The following GRAP2 variants were observed in gnomAD, a reference collection of about 807,000 sequenced individuals.
The protein encoded by GRAP2 is GRB2-related adapter protein 2.
GRAP2 carries 31 observed loss-of-function variants against 43.5 expected under a neutral mutation model. The observed-to-expected ratio is 0.71, with a 90% CI of 0.54 to 0.96. GRAP2 has a LOEUF of 0.96. Ranked by LOEUF, GRAP2 falls within the 40% of genes least tolerant of loss-of-function variation. GRAP2 has a pLI of 0.00. For missense variants in GRAP2, 371 were observed against 424.4 expected, an observed-to-expected ratio of 0.87 and a Z score of 1.11; for synonymous variants, 156 against 164.8, an observed-to-expected ratio of 0.95 and a Z score of 0.41.
chr22:39,940,254 C>T (rs1405495257), intron 1 of GRAP2, among the ~76,000 whole-genome samples: 2 of 152,094 alleles, frequency 1.3e-5, no homozygotes, highest in Non-Finnish European at 2.9e-5. Flanking sequence ...AGCTGATTAA[C>T]AGGTATTCTC....
At chr22:39,962,245 A>C (rs2067127205) in intron 4 of GRAP2, among the ~76,000 whole-genome samples, 1 of 152,132 alleles carries the variant, frequency 6.6e-6, no homozygotes, top group African/African-American at 2.4e-5. Context: ...GCAACTAGTG[A>C]GACCTCATCT....
chr22:39,939,740 C>T (rs906689808), intron 1 of GRAP2, among the ~76,000 whole-genome samples: 2 of 152,054 alleles, frequency 1.3e-5, no homozygotes, highest in African/African-American at 4.8e-5. Context: ...GAAACCCCAT[C>T]TCTACTAAAA....
rs145144717 is a variant in GRAP2, at chr22:39,972,415, G to A, written c.*1331G>A. 6.6e-6 allele frequency: 1 copy of A among 152,450 alleles called. No individual in the cohort carries two copies. The highest frequency in any genetic ancestry group is 1.9e-4 in the East Asian group (1 of 5,186). The allele number at this position is 152,450 out of a possible 1,614,324, so 9.4% of individuals were successfully genotyped here. Reference sequence around the variant, plus strand: ...CACGCACATATTTGTGCACTCCTGTGTGTATACATGTGTGCTTGTGTATGC... The same window carrying A: ...CACGCACATATTTGTGCACTCCTGTATGTATACATGTGTGCTTGTGTATGC... On this transcript the variant is annotated 3_prime_UTR_variant, in exon 8 of 8. Transcript: ENST00000344138.
At chr22:39,926,956 C>A in intron 1 of GRAP2, 1 of 519,792 alleles carries the variant, frequency 1.9e-6, no homozygotes, top group Non-Finnish European at 2.5e-6. Context: ...CTGGATCCAG[C>A]CCAGTTTGTC....
At chr22:39,944,010 G>T (rs1010944108) in intron 1 of GRAP2, among the ~76,000 whole-genome samples, 4 of 152,082 alleles carry the variant, frequency 2.6e-5, no homozygotes, top group Non-Finnish European at 4.4e-5. Flanking sequence ...TGGCCGAGGG[G>T]TCTCTCTTTT....
intron 4 of GRAP2, among the ~76,000 whole-genome samples, chr22:39,963,531 T>C (rs570474114): frequency 2.9e-4 from 44 of 152,342 alleles, no homozygotes; most frequent in African/African-American, 1.0e-3. Flanking sequence ...AAGTATCTGT[T>C]GGTGGCCAAA....
chr22:39,925,351 A>G (rs777827559), intron 1 of GRAP2, among the ~76,000 whole-genome samples: 4 of 152,150 alleles, frequency 2.6e-5, no homozygotes, highest in South Asian at 2.1e-4. Context: ...TTCTGCCTCA[A>G]TGTGCCTACT....
chr22:39,968,059 C>A lies in GRAP2; in HGVS notation c.477C>A (p.Ser159Arg), dbSNP rs748252804. 1 of 1,612,836 alleles carries A rather than the reference C, an allele frequency of 6.2e-7. No individual in the cohort carries two copies. Among genetic ancestry groups the A allele is most frequent in the East Asian group, 2.2e-5 (1 of 44,852 alleles). Residue 159 changes from serine to arginine, a missense_variant, in exon 6 of 8, where the codon AGC becomes AGA. Ser to Arg is a moderately radical substitution (Grantham distance 110). Transcript: ENST00000344138. ...TREDQGHRGN[S>R]LDRRSQGGPH... ...TCTCCCAGGGTCACCGGGGCAACAGCCTGGACCGGAGGTCCCAGGGAGGCC... is the reference window on the plus strand; with the variant it reads ...TCTCCCAGGGTCACCGGGGCAACAGACTGGACCGGAGGTCCCAGGGAGGCC...
At chr22:39,968,774 G>A (rs563172519) in intron 6 of GRAP2, 5 of 158,552 alleles carry the variant, frequency 3.2e-5, no homozygotes, top group Non-Finnish European at 5.5e-5. Flanking sequence ...GGCACACAAA[G>A]TCCTTTGTGA....
At chr22:39,894,692 T>G in the GRAP2 span, among the ~76,000 whole-genome samples, 1 of 152,172 alleles carries the variant, frequency 6.6e-6, no homozygotes, top group East Asian at 1.9e-4. Flanking sequence ...GGGTAATTGT[T>G]GATGTATTCA....
intron 1 of GRAP2, among the ~76,000 whole-genome samples, chr22:39,909,069 C>T (rs753288225): frequency 1.4e-4 from 22 of 152,194 alleles, no homozygotes; most frequent in Non-Finnish European, 2.4e-4. Context: ...TGTGTGGCTA[C>T]CCCCAACAAT....
chr22:39,905,624 T>C (rs1257391951), intron 1 of GRAP2, among the ~76,000 whole-genome samples: 1 of 152,238 alleles, frequency 6.6e-6, no homozygotes, highest in African/African-American at 2.4e-5. Context: ...TGCCAAGCAT[T>C]GTTCTAATAC....
At chr22:39,939,358 C>G (rs1011539528) in intron 1 of GRAP2, among the ~76,000 whole-genome samples, 1 of 151,998 alleles carries the variant, frequency 6.6e-6, no homozygotes, top group South Asian at 2.1e-4. Flanking sequence ...GTCAGGAGAT[C>G]GAGACCATCC....
upstream of GRAP2, among the ~76,000 whole-genome samples, chr22:39,898,937 CT>C (rs1175551858): frequency 6.6e-6 from 1 of 152,252 alleles, no homozygotes; most frequent in Non-Finnish European, 1.5e-5. Flanking sequence ...AACTTCTCCA[CT>C]GTGGCTAAGT....
In GRAP2 at chr22:39,960,093, A is replaced by G. The variant is rs1353740845; in HGVS notation, c.209A>G (p.Asn70Ser). 1.2e-6 allele frequency: 2 copies of G among 1,612,874 alleles called. No homozygotes were observed. The highest frequency in any genetic ancestry group is 1.3e-5 in the African/African-American group (1 of 74,884). ...HEGLSRHQAE[N>S]LLMGKEVGFF... The stretch of plus-strand genomic sequence containing the variant: ...GGCCTCTCTCGACACCAGGCAGAGA[A>G]CTTACTCATGGGCAAGGAGGTTGGC... The change falls in exon 4 of 8, where the codon AAC (asparagine) becomes AGC (serine). Residue 70 changes from asparagine to serine, a missense_variant. Transcript: ENST00000344138.
At chr22:39,932,178 C>G (rs1047401358) in intron 1 of GRAP2, among the ~76,000 whole-genome samples, 4 of 152,094 alleles carry the variant, frequency 2.6e-5, no homozygotes, top group African/African-American at 9.7e-5. Flanking sequence ...CGAGTCCTTG[C>G]TATTCTTCTT....
intron 1 of GRAP2, among the ~76,000 whole-genome samples, chr22:39,944,923 G>A (rs921668206): frequency 4.6e-5 from 7 of 152,162 alleles, no homozygotes; most frequent in African/African-American, 1.7e-4. Flanking sequence ...TTGGTCTTCA[G>A]GACCATTCAC....
Position 39,970,195 on chromosome 22 carries a change from A to C in GRAP2, c.813+662A>C, listed in dbSNP as rs1473949018. Among the ~76,000 whole-genome samples, 3 of 152,250 alleles carry C rather than the reference A, an allele frequency of 2.0e-5. No individual in the cohort carries two copies. The East Asian group carries it at 5.8e-4, about 29-fold the overall frequency. On this transcript the variant is annotated intron_variant, in intron 7 of 7. Coordinates refer to ENST00000344138, the MANE Select transcript of GRAP2 (RefSeq NM_004810.4). ...CAGTGGCACAATCATGGCTCACTGC[A>C]GATTCAAACTCCTAGGCTCAAGCGA...
Position 39,971,727 on chromosome 22 carries a change from C to G in GRAP2, c.*643C>G, listed in dbSNP as rs927330070. On this transcript the variant is annotated 3_prime_UTR_variant, in exon 8 of 8. Transcript: ENST00000344138. ...CCTAGCTGAGACATTCATCTCTGTT[C>G]AAATTAATATTCCTTGGGTCTTTCA... is the stretch of plus-strand genomic sequence containing the variant. 1 of 152,238 alleles carries G rather than the reference C, an allele frequency of 6.6e-6. No homozygotes were observed. The highest frequency in any genetic ancestry group is 1.5e-5 in the Non-Finnish European group (1 of 68,056). 9.4% of individuals were successfully genotyped at this position (152,238 alleles called of 1,614,324 possible).
Sources: allele counts gnomAD v4.1 joint callset (sites outside exome capture counted in the v4.1 genomes callset), GRCh38; gene constraint gnomAD v4.1.1; transcripts MANE v1.5; gene names NCBI Gene and HGNC (gene_info 2026-07-23, HGNC 2026-07-21).